The following GPHN variants were observed in gnomAD, a reference collection of about 807,000 sequenced individuals.
GPHN encodes the protein gephyrin.
A neutral mutation model predicts 95.5 loss-of-function variants in GPHN; 17 were observed. That is an observed-to-expected ratio of 0.18 (90% CI 0.12 to 0.27). The LOEUF (loss-of-function observed/expected upper bound fraction) is 0.27. GPHN is among the 10% of genes least tolerant of loss of function. The pLI, the probability that GPHN is intolerant of heterozygous loss-of-function variation, is 1.00. For missense variants in GPHN, 660 were observed against 978.1 expected (o/e 0.67, Z 4.34); for synonymous variants, 320 against 322.5 (o/e 0.99, Z 0.08).
the GPHN span, among the ~76,000 whole-genome samples, chr14:67,234,075 G>C: frequency 6.6e-6 from 1 of 152,164 alleles, no homozygotes; most frequent in Non-Finnish European, 1.5e-5. Context: ...TCTAAGCACT[G>C]TCATATATAA....
chr14:66,696,230 A>C (rs1189258710), intron 2 of GPHN, among the ~76,000 whole-genome samples: 2 of 152,230 alleles, frequency 1.3e-5, no homozygotes, highest in Non-Finnish European at 2.9e-5. Flanking sequence ...TTAACCATAA[A>C]AGAGTAATCC....
intron 18 of GPHN, among the ~76,000 whole-genome samples, chr14:67,158,468 C>T (rs746144353): frequency 5.3e-5 from 8 of 152,240 alleles, no homozygotes; most frequent in Admixed American, 3.9e-4. Flanking sequence ...CCTATTTCAG[C>T]AATCCCGGTG....
intron 17 of GPHN, among the ~76,000 whole-genome samples, chr14:67,135,040 A>G (rs901502958): frequency 2.1e-4 from 28 of 134,122 alleles, no homozygotes; most frequent in African/African-American, 7.5e-4. Flanking sequence ...GCTTACTGCA[A>G]CCTCCATCTC....
At chr14:67,204,837 T>G in the GPHN span, 2 of 1,614,022 alleles carry the variant, frequency 1.2e-6, no homozygotes, top group Non-Finnish European at 1.7e-6. Context: ...CGTACATGTA[T>G]GCAGGTACAG....
At chr14:67,497,326 T>C in the GPHN span, among the ~76,000 whole-genome samples, 1 of 152,048 alleles carries the variant, frequency 6.6e-6, no homozygotes, top group Admixed American at 6.6e-5. Context: ...TGGAGTTAAG[T>C]GTAACCTGCC....
the GPHN span, chr14:67,573,819 C>A: frequency 6.2e-7 from 1 of 1,613,142 alleles, no homozygotes; most frequent in South Asian, 1.1e-5. The surrounding 1 kb of genome is among the most constrained non-coding windows in gnomAD (Gnocchi z 4.8). Flanking sequence ...CATCCGGAAA[C>A]CTCAAGGCCA....
At chr14:66,920,080 A>C (rs1010109459) in intron 6 of GPHN, among the ~76,000 whole-genome samples, 1 of 151,800 alleles carries the variant, frequency 6.6e-6, no homozygotes, top group Non-Finnish European at 1.5e-5. Flanking sequence ...CAAACAAACA[A>C]AAAAAAATGG....
intron 18 of GPHN, among the ~76,000 whole-genome samples, chr14:67,156,916 G>A (rs1162806145): frequency 6.6e-6 from 1 of 151,134 alleles, no homozygotes; most frequent in Non-Finnish European, 1.5e-5. Context: ...TTGCCAACGT[G>A]AGCCGAGATC....
chr14:66,769,937 C>T (rs2059106811), intron 2 of GPHN, among the ~76,000 whole-genome samples: 1 of 152,128 alleles, frequency 6.6e-6, no homozygotes, highest in African/African-American at 2.4e-5. Context: ...TTAATTTATA[C>T]TCCCACCAAC....
intron 17 of GPHN, among the ~76,000 whole-genome samples, chr14:67,127,133 C>T (rs1161844979): frequency 3.3e-5 from 5 of 149,992 alleles, no homozygotes; most frequent in Non-Finnish European, 4.4e-5. Context: ...GGGATAGCAT[C>T]GGGAGATATA....
intron 4 of GPHN, among the ~76,000 whole-genome samples, chr14:66,854,720 G>A (rs1311496208): frequency 1.3e-5 from 2 of 151,878 alleles, no homozygotes; most frequent in African/African-American, 4.8e-5. Context: ...CAGCTCTATT[G>A]AGATATAATT....
At chr14:66,527,841 T>G (rs1453748985) in intron 1 of GPHN, among the ~76,000 whole-genome samples, 3 of 152,218 alleles carry the variant, frequency 2.0e-5, no homozygotes, top group African/African-American at 7.2e-5. Flanking sequence ...CTGTTTGTTA[T>G]GATTTCCATT....
At chr14:66,522,857 A>G (rs752546724) in intron 1 of GPHN, among the ~76,000 whole-genome samples, 73 of 151,924 alleles carry the variant, frequency 4.8e-4, no homozygotes, top group Middle Eastern at 6.8e-3. Context: ...CTGAAAATCT[A>G]TGATAGCAAA....
At chr14:67,135,543 A>T (rs911339325) in intron 17 of GPHN, among the ~76,000 whole-genome samples, 2 of 152,178 alleles carry the variant, frequency 1.3e-5, no homozygotes, top group Admixed American at 1.3e-4. Flanking sequence ...TTGGTATTGT[A>T]GGTAAGAAGT....
chr14:67,671,971 G>A, the GPHN span, among the ~76,000 whole-genome samples: 3 of 152,184 alleles, frequency 2.0e-5, no homozygotes, highest in African/African-American at 7.2e-5. Flanking sequence ...GCAAATAAAT[G>A]TCAACATAAG....
chr14:66,600,422 C>T (rs1172113344), intron 1 of GPHN, among the ~76,000 whole-genome samples: 1 of 151,994 alleles, frequency 6.6e-6, no homozygotes, highest in African/African-American at 2.4e-5. Context: ...TGTTCTGTGA[C>T]GTAGCAGTGA....
chr14:67,292,680 A>G, the GPHN span: 57 of 1,613,584 alleles, frequency 3.5e-5, no homozygotes, highest in Admixed American at 9.3e-4. Flanking sequence ...CCAGTCCTCC[A>G]TTTCCTCTTA....
chr14:67,242,039 T>C, the GPHN span: 1 of 152,262 alleles, frequency 6.6e-6, no homozygotes, highest in African/African-American at 2.4e-5. Context: ...TGCTTCCTTG[T>C]GACCACTTTA....
At chr14:66,591,082 A>T (rs1352201172) in intron 1 of GPHN, among the ~76,000 whole-genome samples, 1 of 152,232 alleles carries the variant, frequency 6.6e-6, no homozygotes, top group Non-Finnish European at 1.5e-5. Flanking sequence ...TAGATGCAGA[A>T]AAGGCCTCCG....
Sources: gnomAD v4.1 joint callset for allele counts (sites outside exome capture counted in the v4.1 genomes callset) on GRCh38, gnomAD v4.1.1 for gene constraint, Gnocchi (gnomAD v3.1) non-coding constraint, MANE v1.5 for transcripts, NCBI Gene and HGNC (gene_info 2026-07-23, HGNC 2026-07-21) for gene names.